The following NBEA variants were observed in gnomAD, a reference collection of about 807,000 sequenced individuals.
The protein encoded by NBEA is lysosomal-trafficking regulator 2.
A neutral mutation model predicts 343.4 loss-of-function variants in NBEA; 44 were observed. The ratio of observed to expected loss-of-function variants is 0.13; its 90% CI spans 0.10 to 0.16. The LOEUF is 0.16. Ranked by LOEUF, NBEA falls within the 10% of genes least tolerant of loss-of-function variation. The pLI, the probability that NBEA is intolerant of heterozygous loss-of-function variation, is 1.00. For missense variants in NBEA, 2,555 were observed against 3,631.3 expected (o/e 0.70, Z 7.62); for synonymous variants, 1,175 against 1,238.7 (o/e 0.95, Z 1.08).
chr13:35,440,553 G>C (rs893497884), intron 39 of NBEA, among the ~76,000 whole-genome samples: 1 of 152,122 alleles, frequency 6.6e-6, no homozygotes, highest in Non-Finnish European at 1.5e-5. Context: ...TGGGAGAGTG[G>C]CATTGTGGAA....
chr13:35,515,419 CTGTTACCTTTTGAA>C (rs1299913078), intron 41 of NBEA, among the ~76,000 whole-genome samples: 37 of 152,166 alleles, frequency 2.4e-4, no homozygotes, highest in African/African-American at 8.9e-4. Flanking sequence ...CACATAATGA[CTGTTACCTTTTGAA>C]TGTTCCAAAA....
intron 39 of NBEA, among the ~76,000 whole-genome samples, chr13:35,436,689 G>A (rs905729104): frequency 1.4e-5 from 2 of 142,248 alleles, no homozygotes; most frequent in Non-Finnish European, 1.5e-5. Flanking sequence ...CAGCCTGGGC[G>A]ACAGGGAGAC....
chr13:35,615,129 C>CAAAAAAAA (rs34475826), intron 48 of NBEA, among the ~76,000 whole-genome samples: 13 of 110,978 alleles, frequency 1.2e-4, no homozygotes, highest in Non-Finnish European at 2.0e-4. Context: ...ACTAAAAATA[C>CAAAAAAAA]AAAAAAAAAA....
intron 34 of NBEA, among the ~76,000 whole-genome samples, chr13:35,243,974 C>T (rs1386708610): frequency 6.6e-6 from 1 of 151,860 alleles, no homozygotes; most frequent in African/African-American, 2.4e-5. Flanking sequence ...GGAGCATCCT[C>T]TAGGTTAGAC....
chr13:34,944,949 T>A (rs1391611086), intron 1 of NBEA, among the ~76,000 whole-genome samples: 1 of 152,136 alleles, frequency 6.6e-6, no homozygotes. Flanking sequence ...TCTTAACAGA[T>A]GGGGTTTTTT....
intron 47 of NBEA, among the ~76,000 whole-genome samples, chr13:35,594,402 A>G (rs1003039136): frequency 1.3e-5 from 2 of 152,146 alleles, no homozygotes; most frequent in Non-Finnish European, 2.9e-5. Context: ...GGATGAATAC[A>G]AGTTTTGTTC....
chr13:34,946,711 T>A (rs1421471273), intron 1 of NBEA, among the ~76,000 whole-genome samples: 2 of 151,608 alleles, frequency 1.3e-5, no homozygotes, highest in Non-Finnish European at 2.9e-5. Flanking sequence ...TTTTTTTTTT[T>A]TTTTACATTC....
At chr13:35,509,376 A>G (rs2077189351) in intron 41 of NBEA, among the ~76,000 whole-genome samples, 2 of 147,146 alleles carry the variant, frequency 1.4e-5, no homozygotes, top group African/African-American at 4.9e-5. Context: ...GTAGAGTCAG[A>G]GAGAGAGAGA....
At chr13:35,293,013 C>G (rs146727434) in intron 35 of NBEA, among the ~76,000 whole-genome samples, 2,718 of 151,838 alleles carry the variant, frequency 0.018, 41 homozygotes, top group Non-Finnish European at 0.026. Flanking sequence ...TTTTATGCTT[C>G]TCATTTTCAT....
chr13:35,483,422 T>C (rs1207246902), intron 41 of NBEA, among the ~76,000 whole-genome samples: 2 of 152,016 alleles, frequency 1.3e-5, no homozygotes, highest in African/African-American at 4.8e-5. Context: ...TGGTAGGAAT[T>C]GAGGCTAAAG....
chr13:35,338,125 A>C lies in NBEA; in HGVS notation c.5904-10983A>C, dbSNP rs183080775. Among the ~76,000 whole-genome samples the C allele has an allele frequency of 8.0e-4, 122 of 152,052 alleles. 1 individual carries two copies. Among genetic ancestry groups the C allele is most frequent in the Middle Eastern group, 3.4e-3 (1 of 294 alleles). On this transcript the variant is annotated intron_variant, in intron 36 of 58. Transcript: ENST00000379939. ...AAGGAAAAAATAGCAATTAAAATAT[A>C]AATAAAGCAGAGAATTTGAAAGTAA...
At chr13:35,381,620 CTGCAAAGTAGAG>C (rs1457328687) in intron 38 of NBEA, among the ~76,000 whole-genome samples, 1 of 152,020 alleles carries the variant, frequency 6.6e-6, no homozygotes, top group African/African-American at 2.4e-5. Flanking sequence ...TGCAACTCTA[CTGCAAAGTAGAG>C]TCCAAATTCA....
intron 49 of NBEA, among the ~76,000 whole-genome samples, chr13:35,642,175 A>G (rs1315627669): frequency 2.0e-5 from 3 of 152,190 alleles, no homozygotes; most frequent in Non-Finnish European, 4.4e-5. Flanking sequence ...CTGGCTTTGT[A>G]TGAAATATGT....
At chr13:34,976,584 A>G (rs962935890) in intron 1 of NBEA, among the ~76,000 whole-genome samples, 3 of 152,256 alleles carry the variant, frequency 2.0e-5, no homozygotes, top group South Asian at 4.2e-4. Flanking sequence ...AAAAAATTTA[A>G]AATAAATTAC....
chr13:35,214,220 G>A (rs147620376), intron 33 of NBEA, among the ~76,000 whole-genome samples: 439 of 151,968 alleles, frequency 2.9e-3, no homozygotes, highest in Non-Finnish European at 5.2e-3. Flanking sequence ...TTGAAAACAC[G>A]TCTTGGTGTG....
At chr13:35,235,484 C>T (rs989935983) in intron 34 of NBEA, among the ~76,000 whole-genome samples, 12 of 152,048 alleles carry the variant, frequency 7.9e-5, no homozygotes, top group Non-Finnish European at 1.3e-4. Flanking sequence ...TAAAGTTAGT[C>T]TTGTAATAAT....
At chr13:35,479,101 TG>T (rs1240502658) in intron 41 of NBEA, among the ~76,000 whole-genome samples, 1 of 152,100 alleles carries the variant, frequency 6.6e-6, no homozygotes, top group East Asian at 1.9e-4. Context: ...GAAAGAAAAA[TG>T]GATGGTGAGA....
chr13:35,295,423 T>G (rs569573630), intron 35 of NBEA, among the ~76,000 whole-genome samples: 1 of 152,026 alleles, frequency 6.6e-6, no homozygotes, highest in African/African-American at 2.4e-5. Context: ...CCACCTCTTA[T>G]CTGTGATATA....
intron 1 of NBEA, among the ~76,000 whole-genome samples, chr13:34,948,247 T>C (rs2059247803): frequency 6.6e-6 from 1 of 152,212 alleles, no homozygotes; most frequent in Non-Finnish European, 1.5e-5. Flanking sequence ...CCCCACTGCC[T>C]GCCTTGAGGG....
Sources: allele counts gnomAD v4.1 joint callset (sites outside exome capture counted in the v4.1 genomes callset), GRCh38; gene constraint gnomAD v4.1.1; transcripts MANE v1.5; gene names NCBI Gene and HGNC (gene_info 2026-07-23, HGNC 2026-07-21).